LRRC8D: variants seen among roughly 807,000 people sequenced by gnomAD.
LRRC8D encodes the protein leucine rich repeat containing 8 VRAC subunit D, also known as volume-regulated anion channel subunit LRRC8D.
In LRRC8D, 20 loss-of-function variants were observed where a neutral mutation model predicts 55.8. The observed-to-expected ratio is 0.36, with a 90% CI of 0.25 to 0.52. The LOEUF (loss-of-function observed/expected upper bound fraction) is 0.52, where lower values mean the gene tolerates loss of function less well. Among genes scored for constraint, LRRC8D ranks in the 20% least tolerant of loss-of-function variants. LRRC8D has a pLI of 0.93. For missense variants in LRRC8D, 651 were observed against 1,030.8 expected (o/e 0.63, Z 5.05); for synonymous variants, 352 against 377.0 (o/e 0.93, Z 0.77).
intron 2 of LRRC8D, among the ~76,000 whole-genome samples, chr1:89,894,882 T>C (rs1446958024): frequency 6.6e-6 from 1 of 152,198 alleles, no homozygotes; most frequent in African/African-American, 2.4e-5. Context: ...TCTGTCAAGT[T>C]CGGAGACAGC....
chr1:89,824,052 C>A (rs1306421678), intron 1 of LRRC8D, among the ~76,000 whole-genome samples: 1 of 152,214 alleles, frequency 6.6e-6, no homozygotes, highest in Middle Eastern at 3.4e-3. Flanking sequence ...TGAGGAATGT[C>A]GGAGACATTT....
chr1:89,855,260 C>T (rs962161470), intron 2 of LRRC8D, among the ~76,000 whole-genome samples: 2 of 152,194 alleles, frequency 1.3e-5, no homozygotes, highest in African/African-American at 2.4e-5. Flanking sequence ...GATTTCATCA[C>T]TCTTCTGAGT....
intron 1 of LRRC8D, among the ~76,000 whole-genome samples, chr1:89,838,733 TGAA>T (rs2100730666): frequency 6.6e-6 from 1 of 152,314 alleles, no homozygotes; most frequent in South Asian, 2.1e-4. Context: ...GCATACTAAT[TGAA>T]GAATGAGAGA....
At chr1:89,845,909 G>A (rs1258215986) in intron 2 of LRRC8D, among the ~76,000 whole-genome samples, 4 of 152,110 alleles carry the variant, frequency 2.6e-5, no homozygotes, top group Non-Finnish European at 5.9e-5. Flanking sequence ...AGCCTCCCGA[G>A]TAGCTGGGAT....
chr1:89,917,597 C>G (rs562021087), intron 2 of LRRC8D, among the ~76,000 whole-genome samples: 2 of 152,264 alleles, frequency 1.3e-5, no homozygotes, highest in African/African-American at 4.8e-5. Flanking sequence ...TACTCCTATA[C>G]TCTTTCTTCA....
intron 2 of LRRC8D, among the ~76,000 whole-genome samples, chr1:89,904,396 GTCT>G (rs1170301075): frequency 1.3e-5 from 2 of 152,224 alleles, no homozygotes; most frequent in African/African-American, 4.8e-5. Flanking sequence ...CTGCCTGCTG[GTCT>G]GGTTCCTGGG....
intron 1 of LRRC8D, among the ~76,000 whole-genome samples, chr1:89,839,578 C>T (rs1203420515): frequency 6.6e-6 from 1 of 152,172 alleles, no homozygotes; most frequent in African/African-American, 2.4e-5. Context: ...TAATAATCCT[C>T]TATGGGTAAA....
At chr1:89,829,664 G>A (rs924183825) in intron 1 of LRRC8D, among the ~76,000 whole-genome samples, 7 of 152,294 alleles carry the variant, frequency 4.6e-5, no homozygotes, top group Non-Finnish European at 7.3e-5. Flanking sequence ...TTCGTGCTGC[G>A]TGTTTGAAGA....
At chr1:89,880,151 A>C (rs1199844553) in intron 2 of LRRC8D, among the ~76,000 whole-genome samples, 1 of 151,136 alleles carries the variant, frequency 6.6e-6, no homozygotes, top group Non-Finnish European at 1.5e-5. Context: ...TGGGGCAAGG[A>C]GGAAATTTGA....
chr1:89,842,152 G>A (rs1021166479), intron 1 of LRRC8D, among the ~76,000 whole-genome samples: 2 of 150,094 alleles, frequency 1.3e-5, no homozygotes, highest in Non-Finnish European at 3.0e-5. Context: ...GGCGGAGGTT[G>A]CAGTGAGCCG....
At chr1:89,854,468 A>G (rs1661501513) in intron 2 of LRRC8D, among the ~76,000 whole-genome samples, 2 of 152,130 alleles carry the variant, frequency 1.3e-5, no homozygotes, top group African/African-American at 2.4e-5. Context: ...TGCCTGAAAC[A>G]TTAAGTTTGG....
chr1:89,861,661 T>C (rs1570832815), intron 2 of LRRC8D, among the ~76,000 whole-genome samples: 2 of 152,328 alleles, frequency 1.3e-5, no homozygotes, highest in East Asian at 1.9e-4. Context: ...CTGAAGACTT[T>C]TACAAAGCCA....
intron 2 of LRRC8D, among the ~76,000 whole-genome samples, chr1:89,867,855 TAGAA>T (rs1386905794): frequency 1.3e-5 from 2 of 152,352 alleles, no homozygotes; most frequent in Admixed American, 1.3e-4. Context: ...GGTTATAACT[TAGAA>T]AGGAAACATC....
chr1:89,823,335 G>C (rs565554178), intron 1 of LRRC8D, among the ~76,000 whole-genome samples: 2 of 151,768 alleles, frequency 1.3e-5, no homozygotes, highest in Non-Finnish European at 2.9e-5. Context: ...TCTCAAAATC[G>C]CTAAAGTTTA....
chr1:89,884,118 T>C (rs1202889094), intron 2 of LRRC8D, among the ~76,000 whole-genome samples: 2 of 152,238 alleles, frequency 1.3e-5, no homozygotes, highest in African/African-American at 4.8e-5. Flanking sequence ...TAGGGCACGT[T>C]GTTTGAACGG....
Position 89,933,045 on chromosome 1 carries a change from C to A in LRRC8D, c.-2-22C>A. ...TTCATTTGCATCTCTAGAATAATGT[C>A]TTTTGTCTTCTTGTTTTCTAGGAAT... On this transcript the variant is annotated intron_variant, in intron 2 of 2. Transcript: ENST00000337338. This position sits in a 1 kb window ranked among gnomAD's most constrained non-coding sequence, Gnocchi z 7.0. The A allele has an allele frequency of 6.3e-7, 1 of 1,590,996 alleles. No individual in the cohort carries two copies. Among genetic ancestry groups the A allele is most frequent in the African/African-American group, 1.3e-5 (1 of 74,472 alleles).
At chr1:89,928,667 G>A (rs1570897648) in intron 2 of LRRC8D, among the ~76,000 whole-genome samples, 1 of 152,278 alleles carries the variant, frequency 6.6e-6, no homozygotes, top group East Asian at 1.9e-4. Context: ...TCTGTACTCT[G>A]TTGCTATGCC....
At chr1:89,923,687 A>G (rs1303956312) in intron 2 of LRRC8D, among the ~76,000 whole-genome samples, 1 of 152,260 alleles carries the variant, frequency 6.6e-6, no homozygotes. Flanking sequence ...AAACTATACT[A>G]CAAGACTACA....
At chr1:89,837,601 A>G (rs1661030405) in intron 1 of LRRC8D, among the ~76,000 whole-genome samples, 3 of 152,238 alleles carry the variant, frequency 2.0e-5, no homozygotes, top group Non-Finnish European at 2.9e-5. Flanking sequence ...TCTCATCTGT[A>G]ATATGAAGAT....
Sources: allele counts gnomAD v4.1 joint callset (sites outside exome capture counted in the v4.1 genomes callset), GRCh38; gene constraint gnomAD v4.1.1; non-coding constraint Gnocchi (gnomAD v3.1); transcripts MANE v1.5; gene names NCBI Gene and HGNC (gene_info 2026-07-23, HGNC 2026-07-21).